The following TEPSIN variants were observed in gnomAD, a reference collection of about 807,000 sequenced individuals.
TEPSIN encodes AP-4 complex accessory subunit tepsin.
Under a neutral mutation model 48.5 loss-of-function variants are expected in TEPSIN, and 50 were observed. The ratio of observed to expected loss-of-function variants is 1.03; its 90% confidence interval spans 0.82 to 1.31. The LOEUF (loss-of-function observed/expected upper bound fraction) is 1.31, where lower values mean the gene tolerates loss of function less well. Ranked by LOEUF, TEPSIN falls within the 50% of genes most tolerant of loss-of-function variation. The pLI is 0.00. For missense variants in TEPSIN, 838 were observed against 815.9 expected, an observed-to-expected ratio of 1.03 and a Z score of -0.33; for synonymous variants, 392 against 358.8, an observed-to-expected ratio of 1.09 and a Z score of -1.05.
Position 81,233,421 on chromosome 17 carries a change from TC to T in TEPSIN, c.526+10del, listed in dbSNP as rs2146838192. 1 of 1,609,588 alleles carries T rather than the reference TC, an allele frequency of 6.2e-7. No individual in the cohort carries two copies. Among genetic ancestry groups the T allele is most frequent in the Non-Finnish European group, 8.5e-7 (1 of 1,179,268 alleles). On this transcript the variant is annotated intron_variant, in intron 7 of 12. Transcript: ENST00000637944. This position sits in a 1 kb window ranked among gnomAD's most constrained non-coding sequence, Gnocchi z 5.8. ...GAGATGCCAGAGCCCATGCAGGCCC[TC>T]CCCACTCACCCGTGCGGCCGTGTTC...
rs904447144 is a variant in TEPSIN, at chr17:81,230,986, G to C, written c.1099-308C>G. On this transcript the variant is annotated intron_variant, in intron 11 of 12. Coordinates refer to ENST00000637944, the MANE Select transcript of TEPSIN (RefSeq NM_001363764.2). The surrounding 1 kb of genome is among the most constrained non-coding windows in gnomAD (Gnocchi z 4.2). The stretch of plus-strand genomic sequence containing the variant: ...CCGGCTCCTGGACAGACCCCAGCGA[G>C]AAGCACGTGACCTGCTGCCCCGATT... The C allele has an allele frequency of 2.0e-6, 1 of 502,542 alleles. No homozygotes were observed. Among genetic ancestry groups the C allele is most frequent in the Non-Finnish European group, 3.5e-6 (1 of 283,172 alleles). The allele number at this position is 502,542 out of a possible 1,614,324, so 31.1% of individuals were successfully genotyped here.
chr17:81,230,445 G>A lies in TEPSIN; in HGVS notation c.1233+99C>T, dbSNP rs2062567992. 2 of 1,519,482 alleles carry A rather than the reference G, an allele frequency of 1.3e-6. No individual in the cohort carries two copies. Among genetic ancestry groups the A allele is most frequent in the Admixed American group, 1.8e-5 (1 of 55,094 alleles). 94.1% of individuals were successfully genotyped at this position (1,519,482 alleles called of 1,614,324 possible). A position where few individuals can be genotyped will look rare whatever the true frequency, so the allele number is the denominator to read the frequency against. ...CTTGAGAGGGGGTCCGGGAAGGGCT[G>A]ACCAGGCGCCGGGCAGGGACGGGGT... On this transcript the variant is annotated intron_variant, in intron 12 of 12. Coordinates refer to ENST00000637944, the MANE Select transcript of TEPSIN (RefSeq NM_001363764.2). This position sits in a 1 kb window ranked among gnomAD's most constrained non-coding sequence, Gnocchi z 4.2.
Position 81,233,823 on chromosome 17 carries a change from C to T in TEPSIN, c.376-107G>A. The stretch of plus-strand genomic sequence containing the variant: ...TGTCCCCCGGACACTTCTCCTGAGC[C>T]ACTCAGCTGGACACAGGCTCTGTGT... On this transcript the variant is annotated intron_variant, in intron 5 of 12. Coordinates refer to ENST00000637944, the MANE Select transcript of TEPSIN (RefSeq NM_001363764.2). This position sits in a 1 kb window ranked among gnomAD's most constrained non-coding sequence, Gnocchi z 5.8. The T allele has an allele frequency of 2.2e-6, 3 of 1,392,962 alleles. No homozygotes were observed. The highest frequency in any genetic ancestry group is 2.9e-6 in the Non-Finnish European group (3 of 1,035,328). The allele number at this position is 1,392,962 out of a possible 1,614,324, so 86.3% of individuals were successfully genotyped here.
In TEPSIN at chr17:81,230,993, G is replaced by A. The variant is rs1598349525; in HGVS notation, c.1099-315C>T. ...CTGGACAGACCCCAGCGAGAAGCAC[G>A]TGACCTGCTGCCCCGATTGCCTTAC... is the stretch of plus-strand genomic sequence containing the variant. On this transcript the variant is annotated intron_variant, in intron 11 of 12. Transcript: ENST00000637944. The surrounding 1 kb of genome is among the most constrained non-coding windows in gnomAD (Gnocchi z 4.2). 2 of 497,474 alleles carry A rather than the reference G, an allele frequency of 4.0e-6. No homozygotes were observed. Among genetic ancestry groups the A allele is most frequent in the Non-Finnish European group, 7.1e-6 (2 of 280,128 alleles). The allele number at this position is 497,474 out of a possible 1,614,324, so 30.8% of individuals were successfully genotyped here.
rs983061661 is a variant in TEPSIN at position 81,230,321 on chromosome 17, T to C, written c.1233+223A>G. 13 of 546,948 alleles carry C rather than the reference T, an allele frequency of 2.4e-5. No homozygotes were observed. Among genetic ancestry groups the C allele is most frequent in the Admixed American group, 3.6e-5 (1 of 27,940 alleles). The allele number at this position is 546,948 out of a possible 1,614,324, so 33.9% of individuals were successfully genotyped here. A position where few individuals can be genotyped will look rare whatever the true frequency, so the allele number is the denominator to read the frequency against. ...GCTTCCAGGAATAGGTAGAGGCCAG[T>C]GTACTGTGAGTGCTGCAGAGTTTGG... is the stretch of plus-strand genomic sequence containing the variant. On this transcript the variant is annotated intron_variant, in intron 12 of 12. Transcript: ENST00000637944. This position sits in a 1 kb window ranked among gnomAD's most constrained non-coding sequence, Gnocchi z 4.2.
chr17:81,232,654 C>T, intron 7 of TEPSIN, 136 bp from the exon 8 acceptor site: 2 of 773,976 alleles, frequency 2.6e-6, no homozygotes, highest in Admixed American at 6.0e-5. Flanking sequence ...AGGGAGGCCT[C>T]CTGGTGGGCC....
rs373588899 is a variant in TEPSIN, at chr17:81,229,074, C to T, written c.1636G>A (p.Ala546Thr). Reference sequence around the variant, plus strand: ...CCAGCCCCCACCAGGCGGGGACAGGCCACCAGCTCCATGCCAGCAAACAAG... The same window carrying T: ...CCAGCCCCCACCAGGCGGGGACAGGTCACCAGCTCCATGCCAGCAAACAAG... ...DSLFAGMELV[A>T]CPRLVGAGAA... is the part of the protein sequence containing the mutation. Residue 546 changes from alanine (A) to threonine (T), a missense_variant, in exon 13 of 13, where the codon GCC becomes ACC. Coordinates refer to ENST00000637944, the MANE Select transcript of TEPSIN (RefSeq NM_001363764.2). The T allele has an allele frequency of 2.4e-5, 38 of 1,613,452 alleles. No homozygotes were observed. The Middle Eastern group carries it at 1.3e-3, about 56-fold the overall frequency.
In TEPSIN at chr17:81,237,394, C is replaced by T. The variant is rs983714779; in HGVS notation, c.114G>A (p.Glu38=). 2.5e-6 allele frequency: 4 copies of T among 1,611,544 alleles called. No individual in the cohort carries two copies. The highest frequency in any genetic ancestry group is 1.6e-4 in the Middle Eastern group (1 of 6,084). ...GACATCAAGGAAGGATACTAGCAATCTCTTCAAACAGGTAGCCCGGACACG... is the reference window on the plus strand; with the variant it reads ...GACATCAAGGAAGGATACTAGCAATTTCTTCAAACAGGTAGCCCGGACACG... The part of the protein sequence containing the change: ...DVPCPGYLFE[E]IAKISHESPG... The change falls in exon 2 of 13, where the codon GAG becomes GAA. Residue 38 remains glutamate, a synonymous_variant. Coordinates refer to ENST00000637944, the MANE Select transcript of TEPSIN (RefSeq NM_001363764.2).
At chr17:81,235,995 C>CA (rs1452798351) in intron 4 of TEPSIN, among the ~76,000 whole-genome samples, 1 of 152,222 alleles carries the variant, frequency 6.6e-6, no homozygotes, top group African/African-American at 2.4e-5. Flanking sequence ...GAGACAGACT[C>CA]AGTCTCCCTC....
In TEPSIN at chr17:81,237,945, T is replaced by C. The variant is rs944428649; in HGVS notation, c.49-486A>G. 9.0e-6 allele frequency: 9 copies of C among 1,000,766 alleles called. No individual in the cohort carries two copies. In the African/African-American group the frequency reaches 1.6e-4, roughly 17 times the overall value. 62.0% of individuals were successfully genotyped at this position (1,000,766 alleles called of 1,614,324 possible). ...ATCGCTCCCCGAGAACCGACTGATG[T>C]CGTGTGTTTTACGTTCGCTTAGCGC... On this transcript the variant is annotated intron_variant, in intron 1 of 12. Coordinates refer to ENST00000637944, the MANE Select transcript of TEPSIN (RefSeq NM_001363764.2).
rs139658050 is a variant in TEPSIN at position 81,231,862 on chromosome 17, C to G, written c.890G>C (p.Gly297Ala). ...DSHSGASREP[G>A]DLAERVEVVA... ...TCCCGCTCACCTTTCTGCCAGGTCA[C>G]CCGGCTCCCGGCTGGCCCCTGAATG... Residue 297 changes from glycine (G) to alanine (A), a missense_variant, in exon 9 of 13, where the codon GGT becomes GCT. Transcript: ENST00000637944. The G allele has an allele frequency of 4.5e-5, 73 of 1,613,306 alleles. No individual in the cohort carries two copies. The highest frequency in any genetic ancestry group is 6.0e-5 in the Non-Finnish European group (71 of 1,179,994).
Position 81,231,410 on chromosome 17 carries a change from T to C in TEPSIN, c.1086A>G (p.Glu362=). The C allele has an allele frequency of 6.4e-7, 1 of 1,554,406 alleles. No homozygotes were observed. Among genetic ancestry groups the C allele is most frequent in the Non-Finnish European group, 8.7e-7 (1 of 1,149,242 alleles). ...GTGTGCAGCTCACCAGCTGCGTGCA[T>C]TCACTGGTCCCACGCAGGTGGCAGG... is the stretch of plus-strand genomic sequence containing the variant. ...LLTCHLRGTS[E]CTQLRALCAI... Residue 362 remains glutamate, a synonymous_variant, in exon 11 of 13, where the codon GAA becomes GAG. Transcript: ENST00000637944.
Position 81,228,918 on chromosome 17 carries a change from G to A in TEPSIN, c.*10C>T. ...GCTGAAGCTGAAGACTCCAGGGCCA[G>A]GCCATCGGGTCAGGCGTTCAGGAAC... On this transcript the variant is annotated 3_prime_UTR_variant, in exon 13 of 13. Coordinates refer to ENST00000637944, the MANE Select transcript of TEPSIN (RefSeq NM_001363764.2). 1.9e-6 allele frequency: 3 copies of A among 1,612,434 alleles called. No individual in the cohort carries two copies. Among genetic ancestry groups the A allele is most frequent in the Non-Finnish European group, 2.5e-6 (3 of 1,179,990 alleles).
At chr17:81,231,526 C>T in intron 10 of TEPSIN, 50 bp from the exon 11 acceptor site, 1 of 1,581,680 alleles carries the variant, frequency 6.3e-7, no homozygotes, top group African/African-American at 1.3e-5. Flanking sequence ...TCCCTCCTCC[C>T]TCGCCCACGG....
chr17:81,231,688 G>C lies in TEPSIN; in HGVS notation c.909C>G (p.Val303=), dbSNP rs367958395. 3.1e-4 allele frequency: 492 copies of C among 1,611,124 alleles called. No homozygotes were observed. Among genetic ancestry groups the C allele is most frequent in the Non-Finnish European group, 3.9e-4 (464 of 1,178,930 alleles). ...GACAGTCACTCAGGGCCACCACCTC[G>C]ACCCTGCCAGGGGGAATGGCCGGGT... ...SREPGDLAER[V]EVVALSDCQQ... The change falls in exon 10 of 13, where the codon GTC becomes GTG. Residue 303 remains valine, a synonymous_variant. Coordinates refer to ENST00000637944, the MANE Select transcript of TEPSIN (RefSeq NM_001363764.2).
At chr17:81,232,718 T>G in intron 7 of TEPSIN, 200 bp from the exon 8 acceptor site, 1 of 572,496 alleles carries the variant, frequency 1.7e-6, no homozygotes, top group Non-Finnish European at 3.1e-6. Context: ...CCACTCCCAG[T>G]GGGCCTGGAC....
rs375889533 is a variant in TEPSIN, at chr17:81,234,616, C to G, written c.308-568G>C. 6.6e-6 allele frequency among the ~76,000 whole-genome samples: 1 copy of G among 152,128 alleles called. No individual in the cohort carries two copies. Among genetic ancestry groups the G allele is most frequent in the Non-Finnish European group, 1.5e-5 (1 of 68,012 alleles). On this transcript the variant is annotated intron_variant, in intron 4 of 12. Coordinates refer to ENST00000637944, the MANE Select transcript of TEPSIN (RefSeq NM_001363764.2). This position sits in a 1 kb window ranked among gnomAD's most constrained non-coding sequence, Gnocchi z 5.4. ...GAGAGCTGTGCCTCTGAGAACCCCT[C>G]GAGAGCCTCTGTCACAGGCGAATCC...
intron 8 of TEPSIN, 108 bp downstream of exon 8, chr17:81,232,207 C>T: frequency 7.4e-7 from 1 of 1,349,500 alleles, no homozygotes; most frequent in South Asian, 1.5e-5. Flanking sequence ...GGTCCCACCC[C>T]TCCTGCTGTG....
rs978643894 is a variant in TEPSIN at position 81,230,749 on chromosome 17, ATCTC to A, written c.1099-75_1099-72del. ...CCACGCCAGGGAGGCCTATTTGGCC[ATCTC>A]TCTCCCTCTTCTTCCTCCTCATCAA... On this transcript the variant is annotated intron_variant, in intron 11 of 12. Coordinates refer to ENST00000637944, the MANE Select transcript of TEPSIN (RefSeq NM_001363764.2). The surrounding 1 kb of genome is among the most constrained non-coding windows in gnomAD (Gnocchi z 4.2). 1.2e-4 allele frequency: 171 copies of A among 1,448,624 alleles called. No individual in the cohort carries two copies. The African/African-American group carries it at 2.1e-3, about 18-fold the overall frequency. 89.7% of individuals were successfully genotyped at this position (1,448,624 alleles called of 1,614,324 possible).
Sources: gnomAD v4.1 joint callset for allele counts (sites outside exome capture counted in the v4.1 genomes callset) on GRCh38, gnomAD v4.1.1 for gene constraint, Gnocchi (gnomAD v3.1) non-coding constraint, MANE v1.5 for transcripts, NCBI Gene and HGNC (gene_info 2026-07-23, HGNC 2026-07-21) for gene names.